WWP2: variants seen among roughly 807,000 people sequenced by gnomAD.
WWP2 encodes the protein WW domain containing E3 ubiquitin protein ligase 2, also known as NEDD4-like E3 ubiquitin-protein ligase WWP2.
WWP2 carries 57 observed loss-of-function variants against 121.0 expected under a neutral mutation model. That is an observed-to-expected ratio of 0.47 (90% confidence interval 0.38 to 0.59). The LOEUF (loss-of-function observed/expected upper bound fraction) is 0.59. Ranked by LOEUF, WWP2 falls within the 20% of genes least tolerant of loss-of-function variation. The probability of loss-of-function intolerance (pLI) is 0.00; values close to 1 mark genes in which losing one functional copy is unlikely to be tolerated. For missense variants in WWP2, 962 were observed against 1,158.9 expected, an observed-to-expected ratio of 0.83 and a Z score of 2.47; for synonymous variants, 449 against 441.3, an observed-to-expected ratio of 1.02 and a Z score of -0.22.
At chr16:69,880,439 C>T (rs953279012) in intron 7 of WWP2, among the ~76,000 whole-genome samples, 9 of 151,846 alleles carry the variant, frequency 5.9e-5, no homozygotes, top group Non-Finnish European at 8.8e-5. Context: ...ATTCTTTGAT[C>T]GTTCATACAT....
Position 69,872,418 on chromosome 16 carries a change from G to A in WWP2, c.703+487G>A, listed in dbSNP as rs147273554. 5.2e-3 allele frequency among the ~76,000 whole-genome samples: 791 copies of A among 152,152 alleles called. 6 individuals carry two copies. Among genetic ancestry groups the A allele is most frequent in the African/African-American group, 0.018 (758 of 41,518 alleles). On this transcript the variant is annotated intron_variant, in intron 7 of 23. Coordinates refer to ENST00000359154, the MANE Select transcript of WWP2 (RefSeq NM_001270454.2). ...TTTTTAGTGGAGACAGGGTTTCACC[G>A]TGTTAGCCAGGATGGTCTTGATCTC...
chr16:69,847,167 C>T (rs2057097772), intron 6 of WWP2, among the ~76,000 whole-genome samples: 1 of 152,148 alleles, frequency 6.6e-6, no homozygotes, highest in Admixed American at 6.5e-5. Context: ...TCACTATAAA[C>T]TCTGCCTCCC....
chr16:69,867,733 T>G (rs1004827444), intron 6 of WWP2, among the ~76,000 whole-genome samples: 3 of 152,202 alleles, frequency 2.0e-5, no homozygotes, highest in African/African-American at 7.2e-5. Context: ...GAGAGCTGAA[T>G]TTCTGTAATG....
At chr16:69,928,347 C>T (rs1368049388) in intron 11 of WWP2, among the ~76,000 whole-genome samples, 1 of 151,510 alleles carries the variant, frequency 6.6e-6, no homozygotes, top group Non-Finnish European at 1.5e-5. Flanking sequence ...AGAGCTTTAC[C>T]CCCTAGTTTT....
At position 69,931,067 on chromosome 16, in the gene WWP2, A is replaced by G. The variant is rs533328483; in HGVS notation, c.1446-85A>G. On this transcript the variant is annotated intron_variant, in intron 13 of 23. Transcript: ENST00000359154. ...TTACTAATCTTTAAATTAACATAGC[A>G]CCAGCTTTCCTTAGGGCTGACAAAG... is the stretch of plus-strand genomic sequence containing the variant. The G allele has an allele frequency of 5.3e-6, 7 of 1,308,494 alleles. No individual in the cohort carries two copies. The East Asian group carries it at 1.6e-4, about 30-fold the overall frequency. 81.1% of individuals were successfully genotyped at this position (1,308,494 alleles called of 1,614,324 possible).
chr16:69,806,934 T>TTTTATTTATTTATTTATTTATTTA (rs745755357), intron 4 of WWP2, among the ~76,000 whole-genome samples: 2 of 148,390 alleles, frequency 1.3e-5, no homozygotes, highest in Non-Finnish European at 3.0e-5. Context: ...CCTAGATCTG[T>TTTTATTTATTTATTTATTTATTTA]TTTATTTATT....
At chr16:69,873,367 C>T (rs979455044) in intron 7 of WWP2, among the ~76,000 whole-genome samples, 12 of 152,212 alleles carry the variant, frequency 7.9e-5, no homozygotes, top group African/African-American at 1.2e-4. Context: ...TCCTACAAAG[C>T]GCACTGTGAG....
At chr16:69,773,826 A>AT (rs971354162) in intron 1 of WWP2, among the ~76,000 whole-genome samples, 3 of 151,976 alleles carry the variant, frequency 2.0e-5, no homozygotes, top group Non-Finnish European at 2.9e-5. Flanking sequence ...AATTTTTTGC[A>AT]TTTTTTTAGT....
intron 6 of WWP2, among the ~76,000 whole-genome samples, chr16:69,866,286 ATT>A (rs1567391581): frequency 1.7e-5 from 2 of 116,342 alleles, no homozygotes; most frequent in African/African-American, 6.6e-5. Context: ...TTATTTATTT[ATT>A]TATTTATTTA....
At chr16:69,828,396 C>T (rs1013270651) in intron 4 of WWP2, among the ~76,000 whole-genome samples, 19 of 152,090 alleles carry the variant, frequency 1.2e-4, no homozygotes, top group Admixed American at 6.6e-4. Flanking sequence ...GACATAGTTT[C>T]GCTCTTGTTG....
chr16:69,922,895 CTTT>C (rs568949535), intron 10 of WWP2, among the ~76,000 whole-genome samples: 1 of 145,966 alleles, frequency 6.9e-6, no homozygotes, highest in Non-Finnish European at 1.5e-5. Context: ...TGCCACGACT[CTTT>C]TTTTTTTTTG....
chr16:69,813,161 A>AAT, intron 4 of WWP2, among the ~76,000 whole-genome samples: 1 of 135,982 alleles, frequency 7.4e-6, no homozygotes, highest in African/African-American at 2.7e-5. Context: ...TTCTGGTGTA[A>AAT]TTTTTTTTTT....
chr16:69,916,030 C>A (rs1412199434), intron 9 of WWP2, among the ~76,000 whole-genome samples: 5 of 98,730 alleles, frequency 5.1e-5, no homozygotes, highest in East Asian at 5.6e-4. Context: ...CAGAGTGAGA[C>A]CCTGTCAAAA....
chr16:69,937,500 T>TG lies in WWP2; in HGVS notation c.2239-47dup. The TG allele has an allele frequency of 6.3e-7, 1 of 1,594,530 alleles. No homozygotes were observed. The highest frequency in any genetic ancestry group is 8.6e-7 in the Non-Finnish European group (1 of 1,163,160). Reference sequence around the variant, plus strand: ...ATGTCAAGTGCTAGCGAGTGGACGATGCGCGGGGAGGGACCTGCCGGGGAT... The same window carrying TG: ...ATGTCAAGTGCTAGCGAGTGGACGATGGCGCGGGGAGGGACCTGCCGGGGAT... On this transcript the variant is annotated intron_variant, in intron 20 of 23. Coordinates refer to ENST00000359154, the MANE Select transcript of WWP2 (RefSeq NM_001270454.2). This position sits in a 1 kb window ranked among gnomAD's most constrained non-coding sequence, Gnocchi z 6.6.
intron 4 of WWP2, chr16:69,827,752 C>T (rs948860921): frequency 2.6e-6 from 1 of 381,402 alleles, no homozygotes; most frequent in African/African-American, 2.1e-5. Context: ...CAGGCAGGGC[C>T]TGGGCAGGGG....
intron 7 of WWP2, among the ~76,000 whole-genome samples, chr16:69,884,629 A>G (rs755931254): frequency 1.1e-4 from 17 of 152,182 alleles, no homozygotes; most frequent in Non-Finnish European, 2.2e-4. Context: ...CCCTATCTTA[A>G]AAACAAAAAA....
chr16:69,836,025 A>G (rs550129252), intron 4 of WWP2, among the ~76,000 whole-genome samples: 2 of 151,750 alleles, frequency 1.3e-5, no homozygotes, highest in South Asian at 4.2e-4. Context: ...CTGATCTCGA[A>G]CTCCTGGGCT....
At chr16:69,880,659 G>T (rs552988667) in intron 7 of WWP2, among the ~76,000 whole-genome samples, 1 of 152,148 alleles carries the variant, frequency 6.6e-6, no homozygotes, top group Non-Finnish European at 1.5e-5. Flanking sequence ...ATCCCATGCC[G>T]TGCTAATTAC....
Position 69,773,752 on chromosome 16 carries a change from G to T in WWP2, c.-16+11361G>T, listed in dbSNP as rs376660611. On this transcript the variant is annotated intron_variant, in intron 1 of 23. Coordinates refer to ENST00000359154, the MANE Select transcript of WWP2 (RefSeq NM_001270454.2). Reference sequence around the variant, plus strand: ...CCACATCAGCCTCCCAAAGTGCTTGGATTACAGGCATGAGCCACTACACCC... The same window carrying T: ...CCACATCAGCCTCCCAAAGTGCTTGTATTACAGGCATGAGCCACTACACCC... Among the ~76,000 whole-genome samples, 7 of 151,568 alleles carry T rather than the reference G, an allele frequency of 4.6e-5. No individual in the cohort carries two copies. The East Asian group carries it at 1.4e-3, about 29-fold the overall frequency.
Sources: allele counts gnomAD v4.1 joint callset (sites outside exome capture counted in the v4.1 genomes callset), GRCh38; gene constraint gnomAD v4.1.1; non-coding constraint Gnocchi (gnomAD v3.1); transcripts MANE v1.5; gene names NCBI Gene and HGNC (gene_info 2026-07-23, HGNC 2026-07-21).